PCDH15: variants seen among roughly 807,000 people sequenced by gnomAD.
The protein encoded by PCDH15 is protocadherin-15.
In PCDH15, 129 loss-of-function variants were observed where a neutral mutation model predicts 178.5. The observed-to-expected ratio is 0.72, with a 90% confidence interval of 0.63 to 0.84. The LOEUF is 0.84. Among genes scored for constraint, PCDH15 ranks in the 40% least tolerant of loss-of-function variants. The pLI, the probability that PCDH15 is intolerant of heterozygous loss-of-function variation, is 0.00. For missense variants in PCDH15, 2,230 were observed against 2,099.9 expected, an observed-to-expected ratio of 1.06 and a Z score of -1.21; for synonymous variants, 800 against 732.0, an observed-to-expected ratio of 1.09 and a Z score of -1.50.
chr10:54,158,098 C>T (rs2045337548), intron 13 of PCDH15, among the ~76,000 whole-genome samples: 1 of 152,164 alleles, frequency 6.6e-6, no homozygotes. Context: ...CTGCTCCAAC[C>T]TCTGCCTGTT....
chr10:55,231,817 C>T (rs959423295), intron 1 of PCDH15, among the ~76,000 whole-genome samples: 6 of 151,970 alleles, frequency 3.9e-5, no homozygotes, highest in Admixed American at 2.0e-4. Flanking sequence ...TCTTAAATTA[C>T]ATATCAAAAA....
intron 23 of PCDH15, among the ~76,000 whole-genome samples, chr10:53,949,762 T>A (rs2086866105): frequency 6.6e-6 from 1 of 152,234 alleles, no homozygotes; most frequent in East Asian, 1.9e-4. Context: ...TTCCTCAACA[T>A]AAGGTAATTT....
At chr10:54,697,267 T>TA (rs2095242308) in intron 1 of PCDH15, among the ~76,000 whole-genome samples, 2 of 151,996 alleles carry the variant, frequency 1.3e-5, no homozygotes, top group Admixed American at 1.3e-4. Context: ...CTTGATAGTT[T>TA]AAAAAATATT....
At position 54,415,566 on chromosome 10, in the gene PCDH15, T is replaced by A. The variant is rs115352277; in HGVS notation, c.158-36624A>T. 4.8e-3 allele frequency among the ~76,000 whole-genome samples: 736 copies of A among 152,226 alleles called. 8 individuals carry two copies. The highest frequency in any genetic ancestry group is 0.017 in the African/African-American group (686 of 41,574). On this transcript the variant is annotated intron_variant, in intron 3 of 37. Coordinates refer to ENST00000644397, the MANE Select transcript of PCDH15 (RefSeq NM_001384140.1). ...AATTTAGAAAATAGTTAAGTATTTA[T>A]GCAAAATTATTTTAAATAATATTCA... is the stretch of plus-strand genomic sequence containing the variant.
intron 1 of PCDH15, among the ~76,000 whole-genome samples, chr10:55,274,626 C>T (rs533699143): frequency 9.2e-5 from 14 of 152,154 alleles, no homozygotes; most frequent in Admixed American, 8.5e-4. Flanking sequence ...CCACTTTTTT[C>T]CAAACCTGCT....
intron 26 of PCDH15, among the ~76,000 whole-genome samples, chr10:53,887,216 G>A (rs1266663516): frequency 3.3e-5 from 5 of 151,954 alleles, no homozygotes; most frequent in South Asian, 2.1e-4. Context: ...ATAGTATTTC[G>A]TCTTCCTAAA....
chr10:54,163,748 C>T (rs954932249), intron 13 of PCDH15, among the ~76,000 whole-genome samples: 33 of 152,194 alleles, frequency 2.2e-4, no homozygotes, highest in African/African-American at 7.5e-4. Flanking sequence ...GAGTAGGGAA[C>T]ATTCTTTTTC....
chr10:55,111,994 A>T (rs1404308466), intron 2 of PCDH15, among the ~76,000 whole-genome samples: 1 of 152,242 alleles, frequency 6.6e-6, no homozygotes, highest in African/African-American at 2.4e-5. Flanking sequence ...ATGATAGTAA[A>T]TACACAGTAA....
chr10:54,961,455 C>T (rs907351737), intron 2 of PCDH15, among the ~76,000 whole-genome samples: 4 of 152,212 alleles, frequency 2.6e-5, no homozygotes, highest in Admixed American at 1.3e-4. Context: ...TGAAGCCCCA[C>T]CTTCAAGCCA....
At chr10:55,359,720 GTATATATATA>G (rs57949952) in intron 2 of PCDH15, among the ~76,000 whole-genome samples, 6 of 112,920 alleles carry the variant, frequency 5.3e-5, no homozygotes, top group Admixed American at 1.9e-4. Context: ...AAAATGTGGT[GTATATATATA>G]TATATATATA....
At chr10:55,447,220 C>A (rs1438078473) in intron 2 of PCDH15, among the ~76,000 whole-genome samples, 1 of 151,884 alleles carries the variant, frequency 6.6e-6, no homozygotes, top group East Asian at 1.9e-4. Context: ...TTCATATAAA[C>A]CATAAAGTGA....
rs1387851955 is a variant in PCDH15 at position 54,317,257 on chromosome 10, A to C, written c.876+14T>G. 1.2e-6 allele frequency: 2 copies of C among 1,609,196 alleles called. No homozygotes were observed. Among genetic ancestry groups the C allele is most frequent in the Non-Finnish European group, 8.5e-7 (1 of 1,175,614 alleles). On this transcript the variant is annotated intron_variant, in intron 8 of 37. Coordinates refer to ENST00000644397, the MANE Select transcript of PCDH15 (RefSeq NM_001384140.1). Reference sequence around the variant, plus strand: ...AACATGCAAATAAATGGAGAAAGATAAGAGTATATTTACCGGAGTTCTCAA... The same window carrying C: ...AACATGCAAATAAATGGAGAAAGATCAGAGTATATTTACCGGAGTTCTCAA...
intron 25 of PCDH15, among the ~76,000 whole-genome samples, chr10:53,923,992 G>A (rs112496065): frequency 1.3e-4 from 20 of 151,630 alleles, no homozygotes; most frequent in Non-Finnish European, 2.4e-4. Context: ...AGCTTAATTT[G>A]GTCATTGTGA....
chr10:54,739,517 C>G (rs1944515176), intron 1 of PCDH15, among the ~76,000 whole-genome samples: 1 of 147,610 alleles, frequency 6.8e-6, no homozygotes, highest in Non-Finnish European at 1.5e-5. Context: ...TCTACAGATT[C>G]AATACTATCC....
chr10:54,697,440 C>A (rs1222242197), intron 1 of PCDH15, among the ~76,000 whole-genome samples: 1 of 151,062 alleles, frequency 6.6e-6, no homozygotes, highest in Non-Finnish European at 1.5e-5. Flanking sequence ...TTATTTAAAA[C>A]AGTTACATTA....
chr10:53,876,445 C>A (rs1299658907), intron 26 of PCDH15, among the ~76,000 whole-genome samples: 1 of 152,002 alleles, frequency 6.6e-6, no homozygotes, highest in African/African-American at 2.4e-5. Context: ...CTCGGCCTCC[C>A]AAAGTGCTGG....
chr10:54,477,949 C>T (rs979249387), intron 3 of PCDH15, among the ~76,000 whole-genome samples: 4 of 152,072 alleles, frequency 2.6e-5, no homozygotes, highest in African/African-American at 9.7e-5. Flanking sequence ...TACTGTTACG[C>T]AATCATTCTA....
In PCDH15 at chr10:54,963,228, A is replaced by G. The variant is rs187679459; in HGVS notation, c.-79-65728T>C. 1.9e-3 allele frequency among the ~76,000 whole-genome samples: 282 copies of G among 152,234 alleles called. 1 individual carries two copies. The highest frequency in any genetic ancestry group is 1.5e-3 in the Non-Finnish European group (103 of 68,014). On this transcript the variant is annotated intron_variant, in intron 2 of 5. Transcript: ENST00000458638. ...CCTTTCTTTCCTTAGCTGCTACCAT[A>G]ATTCTAGTCTTCAGTTCCACTGGCT...
At chr10:55,212,480 G>A (rs1305490813) in intron 1 of PCDH15, among the ~76,000 whole-genome samples, 1 of 151,838 alleles carries the variant, frequency 6.6e-6, no homozygotes, top group East Asian at 1.9e-4. Context: ...TGTGGCTGTG[G>A]GACAACGAAC....
Sources: gnomAD v4.1 joint callset for allele counts (sites outside exome capture counted in the v4.1 genomes callset) on GRCh38, gnomAD v4.1.1 for gene constraint, MANE v1.5 for transcripts, NCBI Gene and HGNC (gene_info 2026-07-23, HGNC 2026-07-21) for gene names.